STXBP4: variants seen among roughly 807,000 people sequenced by gnomAD.
STXBP4 encodes syntaxin-binding protein 4.
Under a neutral mutation model 76.1 loss-of-function variants are expected in STXBP4, and 55 were observed. That is an observed-to-expected ratio of 0.72 (90% CI 0.58 to 0.91). The LOEUF (loss-of-function observed/expected upper bound fraction) is 0.91. Ranked by LOEUF, STXBP4 falls within the 40% of genes least tolerant of loss-of-function variation. The pLI is 0.00. For missense variants in STXBP4, 618 were observed against 636.9 expected (o/e 0.97, Z 0.32); for synonymous variants, 201 against 220.2 (o/e 0.91, Z 0.77).
intron 1 of STXBP4, among the ~76,000 whole-genome samples, chr17:54,976,531 G>A (rs2077476854): frequency 6.6e-6 from 1 of 152,130 alleles, no homozygotes; most frequent in African/African-American, 2.4e-5. Flanking sequence ...AGACCCTTCA[G>A]CCATCATGAC....
At chr17:55,048,059 C>T (rs549591159) in intron 12 of STXBP4, among the ~76,000 whole-genome samples, 34 of 151,754 alleles carry the variant, frequency 2.2e-4, no homozygotes, top group South Asian at 6.2e-4. Context: ...AAATACTGGC[C>T]GTATGTCAAG....
intron 7 of STXBP4, among the ~76,000 whole-genome samples, chr17:55,005,324 A>G (rs1298023806): frequency 6.6e-6 from 1 of 152,200 alleles, no homozygotes; most frequent in Admixed American, 6.5e-5. Context: ...TCGTGACATT[A>G]TAATGTACTA....
At chr17:55,056,260 T>C (rs183607903) in intron 12 of STXBP4, among the ~76,000 whole-genome samples, 2 of 152,304 alleles carry the variant, frequency 1.3e-5, no homozygotes, top group East Asian at 3.9e-4. Flanking sequence ...TTAAAATTCA[T>C]TATGAGATAT....
intron 17 of STXBP4, among the ~76,000 whole-genome samples, chr17:55,152,854 C>CA (rs1380865659): frequency 1.7e-4 from 26 of 152,206 alleles, no homozygotes; most frequent in Middle Eastern, 3.4e-3. Context: ...TAGCTTTAGA[C>CA]ATATCATTTA....
Position 55,160,079 on chromosome 17 carries a change from G to A in STXBP4, c.*168G>A. The A allele has an allele frequency of 8.3e-6, 4 of 480,492 alleles. No individual in the cohort carries two copies. In the East Asian group the frequency reaches 1.3e-4, roughly 16 times the overall value. The allele number at this position is 480,492 out of a possible 1,614,324, so 29.8% of individuals were successfully genotyped here. ...TTTTTGTAAAACTTTTGATATTTCTGTATACATTTAAAAAATCAATTGCCA... is the reference window on the plus strand; with the variant it reads ...TTTTTGTAAAACTTTTGATATTTCTATATACATTTAAAAAATCAATTGCCA... On this transcript the variant is annotated 3_prime_UTR_variant, in exon 18 of 18. Transcript: ENST00000376352.
At chr17:55,071,171 C>G (rs2079114848) in intron 12 of STXBP4, among the ~76,000 whole-genome samples, 1 of 152,168 alleles carries the variant, frequency 6.6e-6, no homozygotes, top group Non-Finnish European at 1.5e-5. Context: ...AAAAGTAACA[C>G]TTTTAAAATT....
Position 54,998,863 on chromosome 17 carries a change from T to G in STXBP4, c.181-482T>G, listed in dbSNP as rs141966770. ...TTTAATTTTTTTTTTTTAAAAACCCTTGACTAAAGTTTTAAAAATCTCAAT... is the reference window on the plus strand; with the variant it reads ...TTTAATTTTTTTTTTTTAAAAACCCGTGACTAAAGTTTTAAAAATCTCAAT... On this transcript the variant is annotated intron_variant, in intron 4 of 17. Transcript: ENST00000376352. 3.2e-3 allele frequency among the ~76,000 whole-genome samples: 490 copies of G among 151,996 alleles called. 12 individuals are homozygous for G. The highest frequency in any genetic ancestry group is 0.025 in the East Asian group (131 of 5,178).
intron 7 of STXBP4, among the ~76,000 whole-genome samples, chr17:55,002,414 T>A (rs2077936782): frequency 6.6e-6 from 1 of 152,182 alleles, no homozygotes; most frequent in South Asian, 2.1e-4. Context: ...TAATAGTATA[T>A]TGTGAAATAA....
At chr17:55,023,445 T>C (rs1341841614) in intron 8 of STXBP4, among the ~76,000 whole-genome samples, 1 of 152,224 alleles carries the variant, frequency 6.6e-6, no homozygotes, top group African/African-American at 2.4e-5. Flanking sequence ...AGTAATTTTA[T>C]ATAATGTTTT....
At chr17:54,979,110 G>A (rs6504950) in intron 1 of STXBP4, among the ~76,000 whole-genome samples, 42,681 of 151,966 alleles carry the variant, frequency 0.28, 6,249 homozygotes, top group African/African-American at 0.35. Flanking sequence ...AAAATGAACT[G>A]GTATCCTGCC....
intron 16 of STXBP4, among the ~76,000 whole-genome samples, chr17:55,132,759 C>T (rs2787484): frequency 0.65 from 98,169 of 151,772 alleles, 32,730 homozygotes; most frequent in African/African-American, 0.82. Context: ...GTGTCAGAGG[C>T]TGGAGAAGAA....
At chr17:55,105,838 A>C (rs244376) in intron 16 of STXBP4, among the ~76,000 whole-genome samples, 120,509 of 152,056 alleles carry the variant, frequency 0.79, 48,300 homozygotes, top group East Asian at 0.91. Flanking sequence ...GTTATGATTT[A>C]CATTCTTTTG....
At chr17:55,076,397 C>A (rs1030267695) in intron 13 of STXBP4, among the ~76,000 whole-genome samples, 7 of 152,080 alleles carry the variant, frequency 4.6e-5, no homozygotes, top group African/African-American at 1.7e-4. Flanking sequence ...ATAATAAGCT[C>A]TCCCCATTTT....
At chr17:54,996,777 T>C (rs2077811120) in intron 4 of STXBP4, among the ~76,000 whole-genome samples, 1 of 152,178 alleles carries the variant, frequency 6.6e-6, no homozygotes, top group Non-Finnish European at 1.5e-5. Context: ...GACTATTCCT[T>C]AGTATTAGGT....
chr17:55,089,272 T>C (rs922573677), intron 16 of STXBP4, among the ~76,000 whole-genome samples: 1 of 152,230 alleles, frequency 6.6e-6, no homozygotes, highest in Non-Finnish European at 1.5e-5. Flanking sequence ...GTAATTAATT[T>C]AATTTTACTT....
At chr17:55,026,632 C>T (rs2078420659) in intron 8 of STXBP4, among the ~76,000 whole-genome samples, 1 of 152,160 alleles carries the variant, frequency 6.6e-6, no homozygotes, top group South Asian at 2.1e-4. Context: ...TAACCCTACC[C>T]AGCACTGGAA....
intron 16 of STXBP4, among the ~76,000 whole-genome samples, chr17:55,112,705 C>A (rs1176741465): frequency 6.6e-6 from 1 of 152,054 alleles, no homozygotes; most frequent in Non-Finnish European, 1.5e-5. Context: ...TTAGGGGATT[C>A]TTCATGTAGT....
At chr17:55,043,130 G>C (rs893191818) in intron 10 of STXBP4, 106 bp from the exon 11 acceptor site, 1 of 466,932 alleles carries the variant, frequency 2.1e-6, no homozygotes, top group Non-Finnish European at 3.6e-6. Flanking sequence ...ACTGAATTTT[G>C]TTATTAGAAT....
chr17:55,008,955 C>T (rs1403827640), intron 8 of STXBP4, among the ~76,000 whole-genome samples: 1 of 152,216 alleles, frequency 6.6e-6, no homozygotes, highest in South Asian at 2.1e-4. Flanking sequence ...TTCATTCAGA[C>T]TTTGCTAACT....
Sources: allele counts gnomAD v4.1 joint callset (sites outside exome capture counted in the v4.1 genomes callset), GRCh38; gene constraint gnomAD v4.1.1; transcripts MANE v1.5; gene names NCBI Gene and HGNC (gene_info 2026-07-23, HGNC 2026-07-21).